RNF2: variants seen among roughly 807,000 people sequenced by gnomAD.
RNF2 encodes the protein E3 ubiquitin-protein ligase RING2.
Under a neutral mutation model 37.2 loss-of-function variants are expected in RNF2, and 6 were observed. The ratio of observed to expected loss-of-function variants is 0.16; its 90% confidence interval spans 0.09 to 0.32. The LOEUF (loss-of-function observed/expected upper bound fraction) is 0.32. Ranked by LOEUF, RNF2 falls within the 10% of genes least tolerant of loss-of-function variation. The probability of loss-of-function intolerance (pLI) is 1.00; values close to 1 mark genes in which losing one functional copy is unlikely to be tolerated. For synonymous variants in RNF2, 133 were observed against 132.7 expected (o/e 1.00, Z -0.02); for missense variants, 251 against 404.0 (o/e 0.62, Z 3.25).
At chr1:185,070,981 C>T (rs1650956122) in intron 1 of RNF2, among the ~76,000 whole-genome samples, 1 of 152,074 alleles carries the variant, frequency 6.6e-6, no homozygotes, top group Non-Finnish European at 1.5e-5. Flanking sequence ...AGGATTGTAT[C>T]TTAAGAGTGG....
chr1:185,089,045 A>G lies in RNF2; in HGVS notation c.87+1405A>G, dbSNP rs1329791613. ...TTCATGGATGATAGTGTTTCCATGG[A>G]TTGGAGGTGGGTGGGTGGGTGGGGG... On this transcript the variant is annotated intron_variant, in intron 2 of 6. Coordinates refer to ENST00000367510, the MANE Select transcript of RNF2 (RefSeq NM_007212.4). 5.1e-5 allele frequency among the ~76,000 whole-genome samples: 4 copies of G among 78,766 alleles called. No individual in the cohort carries two copies. In the Admixed American group the frequency reaches 6.3e-4, roughly 12 times the overall value. 51.7% of individuals were successfully genotyped at this position (78,766 alleles called of 152,430 possible). A position where few individuals can be genotyped will look rare whatever the true frequency, so the allele number is the denominator to read the frequency against.
rs1000869025 is a variant in RNF2 at position 185,100,554 on chromosome 1, T to C, written c.*253T>C. 5.1e-4 allele frequency: 140 copies of C among 274,036 alleles called. No homozygotes were observed. The highest frequency in any genetic ancestry group is 6.2e-4 in the Non-Finnish European group (92 of 148,988). 17.0% of individuals were successfully genotyped at this position (274,036 alleles called of 1,614,324 possible). On this transcript the variant is annotated 3_prime_UTR_variant, in exon 7 of 7. Coordinates refer to ENST00000367510, the MANE Select transcript of RNF2 (RefSeq NM_007212.4). Reference sequence around the variant, plus strand: ...CTGAAGTTTCTTGTGTTTTTTTTTTTCCCCACAAAGTGTGTTTCCACTTGG... The same window carrying C: ...CTGAAGTTTCTTGTGTTTTTTTTTTCCCCCACAAAGTGTGTTTCCACTTGG...
intron 1 of RNF2, among the ~76,000 whole-genome samples, chr1:185,068,051 T>G (rs925230840): frequency 2.0e-5 from 3 of 151,584 alleles, no homozygotes; most frequent in African/African-American, 7.3e-5. Context: ...TTGCCCACGC[T>G]GGAGTGCAAT....
In RNF2 at chr1:185,079,511, T is replaced by G. The variant is rs114357643; in HGVS notation, c.-2-8041T>G. 1.3e-5 allele frequency among the ~76,000 whole-genome samples: 2 copies of G among 152,372 alleles called. 1 individual carries two copies. Among genetic ancestry groups the G allele is most frequent in the Non-Finnish European group, 2.9e-5 (2 of 68,036 alleles). ...AGCATCTTTGAAACAACCAGTCTGC[T>G]TTTTGTTCTGTTTCTGCTTTCTTCA... On this transcript the variant is annotated intron_variant, in intron 1 of 6. Coordinates refer to ENST00000367510, the MANE Select transcript of RNF2 (RefSeq NM_007212.4).
chr1:185,071,837 T>C (rs1650985161), intron 1 of RNF2: 1 of 152,834 alleles, frequency 6.5e-6, no homozygotes, highest in African/African-American at 2.4e-5. Context: ...CCATTCATTA[T>C]GGTCTGGTTT....
intron 1 of RNF2, chr1:185,071,688 C>G (rs564035358): frequency 7.6e-5 from 13 of 169,962 alleles, no homozygotes; most frequent in African/African-American, 3.1e-4. Flanking sequence ...ATTTCACCTG[C>G]TCATTCAGGT....
rs527908224 is a variant in RNF2, at chr1:185,052,147, A to G, written c.-3+6498A>G. 4.6e-5 allele frequency among the ~76,000 whole-genome samples: 7 copies of G among 151,936 alleles called. 1 individual carries two copies. In the South Asian group the frequency reaches 1.5e-3, roughly 32 times the overall value. ...CTGTTCTTCCTTCAGACCATTTCAG[A>G]CTCATTCCTTCCTCCCATTCCTCTT... On this transcript the variant is annotated intron_variant, in intron 1 of 6. Coordinates refer to ENST00000367510, the MANE Select transcript of RNF2 (RefSeq NM_007212.4).
intron 1 of RNF2, among the ~76,000 whole-genome samples, chr1:185,075,075 A>G (rs1651105229): frequency 6.6e-6 from 1 of 152,018 alleles, no homozygotes; most frequent in African/African-American, 2.4e-5. Context: ...GCTCACTGCA[A>G]CCTACACCTT....
chr1:185,066,132 A>C (rs1418251092), intron 1 of RNF2, among the ~76,000 whole-genome samples: 1 of 152,138 alleles, frequency 6.6e-6, no homozygotes, highest in Non-Finnish European at 1.5e-5. Flanking sequence ...ATTATTGCAC[A>C]GATTAGGATT....
intron 1 of RNF2, among the ~76,000 whole-genome samples, chr1:185,047,597 C>T (rs950699744): frequency 8.5e-5 from 13 of 152,152 alleles, no homozygotes; most frequent in Non-Finnish European, 5.9e-5. Context: ...GTGACAGTTT[C>T]ATTTCTATAC....
rs530318667 is a variant in RNF2 at position 185,052,044 on chromosome 1, T to C, written c.-3+6395T>C. ...ACCCAGGAAAGTTTCAGTGTTAGCC[T>C]TCCCTGCCAATCCTCTTCCCTCACC... On this transcript the variant is annotated intron_variant, in intron 1 of 6. Transcript: ENST00000367510. 2.0e-5 allele frequency among the ~76,000 whole-genome samples: 3 copies of C among 152,022 alleles called. No homozygotes were observed. In the South Asian group the frequency reaches 6.2e-4, roughly 32 times the overall value.
chr1:185,076,751 T>C (rs1490231735), intron 1 of RNF2, among the ~76,000 whole-genome samples: 1 of 152,124 alleles, frequency 6.6e-6, no homozygotes, highest in African/African-American at 2.4e-5. Context: ...TTTGTTTTGT[T>C]ATATTGATCT....
At chr1:185,076,376 C>T (rs1313565752) in intron 1 of RNF2, among the ~76,000 whole-genome samples, 1 of 138,678 alleles carries the variant, frequency 7.2e-6, no homozygotes, top group South Asian at 2.4e-4. Flanking sequence ...CTGCAACCTC[C>T]GTCTCCTGGC....
At chr1:185,094,048 T>A (rs1465441658) in intron 4 of RNF2, among the ~76,000 whole-genome samples, 1 of 152,130 alleles carries the variant, frequency 6.6e-6, no homozygotes, top group African/African-American at 2.4e-5. Flanking sequence ...CTGAACTTAC[T>A]CCCTACTTCT....
chr1:185,052,540 A>G (rs1367281536), intron 1 of RNF2, among the ~76,000 whole-genome samples: 1 of 152,222 alleles, frequency 6.6e-6, no homozygotes, highest in Non-Finnish European at 1.5e-5. Flanking sequence ...GGTGGTTGCC[A>G]GAGGTTTGGG....
chr1:185,056,908 T>C (rs1007240302), intron 1 of RNF2, among the ~76,000 whole-genome samples: 1 of 152,220 alleles, frequency 6.6e-6, no homozygotes, highest in Non-Finnish European at 1.5e-5. Context: ...TAATCAGTCT[T>C]ATATTTTGCT....
intron 1 of RNF2, among the ~76,000 whole-genome samples, chr1:185,047,005 G>C (rs1348834134): frequency 6.6e-6 from 1 of 152,058 alleles, no homozygotes; most frequent in African/African-American, 2.4e-5. Flanking sequence ...TTTTTCCCCT[G>C]AAATTTCTAC....
intron 1 of RNF2, among the ~76,000 whole-genome samples, chr1:185,049,599 T>C (rs1445638143): frequency 1.3e-5 from 2 of 150,796 alleles, no homozygotes; most frequent in African/African-American, 4.9e-5. Flanking sequence ...TAGGGTACAG[T>C]AGAGAAAACG....
intron 4 of RNF2, 108 bp downstream of exon 4, chr1:185,093,384 G>C (rs1202783840): frequency 8.5e-6 from 8 of 943,274 alleles, no homozygotes; most frequent in Non-Finnish European, 1.6e-6. Flanking sequence ...TAGTAGTACT[G>C]CATGATTACC....
Sources: allele counts gnomAD v4.1 joint callset (sites outside exome capture counted in the v4.1 genomes callset), GRCh38; gene constraint gnomAD v4.1.1; transcripts MANE v1.5; gene names NCBI Gene and HGNC (gene_info 2026-07-23, HGNC 2026-07-21).